The following UBR3 variants were observed in gnomAD, a reference collection of about 807,000 sequenced individuals.
The protein encoded by UBR3 is ubiquitin protein ligase E3 component n-recognin 3, also known as E3 ubiquitin-protein ligase UBR3.
A neutral mutation model predicts 243.2 loss-of-function variants in UBR3; 85 were observed. That is an observed-to-expected ratio of 0.35 (90% CI 0.29 to 0.42). The LOEUF is 0.42. Ranked by LOEUF, UBR3 falls within the 10% of genes least tolerant of loss-of-function variation. The pLI is 1.00. For missense variants in UBR3, 1,686 were observed against 2,300.8 expected, an observed-to-expected ratio of 0.73 and a Z score of 5.47; for synonymous variants, 748 against 799.8, an observed-to-expected ratio of 0.94 and a Z score of 1.09.
At chr2:170,073,713 A>G in intron 36 of UBR3, 106 bp downstream of exon 36, 3 of 1,189,144 alleles carry the variant, frequency 2.5e-6, no homozygotes, top group Non-Finnish European at 3.4e-6. Context: ...GACAGCAATT[A>G]TAAAACTTGA....
In UBR3 at chr2:169,827,744, C is replaced by T. The variant is rs2081790493; in HGVS notation, c.237C>T (p.Gly79=). 2 of 1,243,944 alleles carry T rather than the reference C, an allele frequency of 1.6e-6. No individual in the cohort carries two copies. The highest frequency in any genetic ancestry group is 1.0e-6 in the Non-Finnish European group (1 of 996,398). 77.1% of individuals were successfully genotyped at this position (1,243,944 alleles called of 1,614,324 possible). A position where few individuals can be genotyped will look rare whatever the true frequency, so the allele number is the denominator to read the frequency against. ...AGGEDAAAAG[G]GGGPGAAEEE... is the part of the protein sequence containing the mutation. Reference sequence around the variant, plus strand: ...GCGAGGACGCGGCGGCGGCCGGAGGCGGGGGCGGTCCGGGGGCGGCCGAGG... The same window carrying T: ...GCGAGGACGCGGCGGCGGCCGGAGGTGGGGGCGGTCCGGGGGCGGCCGAGG... The change falls in exon 1 of 39, where the codon GGC becomes GGT. Residue 79 remains glycine (G), a synonymous_variant. Transcript: ENST00000272793.
At chr2:170,057,118 CTTT>C (rs34846378) in intron 33 of UBR3, among the ~76,000 whole-genome samples, 10 of 135,834 alleles carry the variant, frequency 7.4e-5, no homozygotes, top group East Asian at 4.3e-4. Context: ...TTAGTTTTTT[CTTT>C]TTTTTTTTTT....
chr2:170,013,850 CAGA>C (rs2090155436), intron 29 of UBR3: 1 of 461,214 alleles, frequency 2.2e-6, no homozygotes, highest in Admixed American at 2.4e-5. Context: ...GATTAGGCAA[CAGA>C]AGATTTGTGA....
chr2:169,981,861 A>G (rs754778323), intron 24 of UBR3, among the ~76,000 whole-genome samples: 74 of 152,050 alleles, frequency 4.9e-4, no homozygotes, highest in Non-Finnish European at 8.7e-4. Context: ...CCAACTAAAA[A>G]AAGAGGAAAG....
At chr2:169,830,064 T>A (rs1281365865) in intron 1 of UBR3, among the ~76,000 whole-genome samples, 3 of 152,202 alleles carry the variant, frequency 2.0e-5, no homozygotes, top group South Asian at 2.1e-4. Context: ...TCTATTTTTT[T>A]AAAAAAACTG....
intron 11 of UBR3, among the ~76,000 whole-genome samples, chr2:169,915,425 G>A (rs13032801): frequency 0.42 from 64,348 of 151,938 alleles, 15,227 homozygotes; most frequent in Non-Finnish European, 0.54. Flanking sequence ...TAGTAGGGAC[G>A]GAGTTTCACC....
Position 169,924,009 on chromosome 2 carries a change from A to T in UBR3, c.1932+15A>T. 6.5e-7 allele frequency: 1 copy of T among 1,533,248 alleles called. No individual in the cohort carries two copies. 95.0% of individuals were successfully genotyped at this position (1,533,248 alleles called of 1,614,324 possible). A position where few individuals can be genotyped will look rare whatever the true frequency, so the allele number is the denominator to read the frequency against. On this transcript the variant is annotated intron_variant, in intron 12 of 38. Transcript: ENST00000272793. ...TTTTGAGTAAGGTAAGACTGTCATT[A>T]AACAATTCTGTTCTTTTTTTTTTAA...
intron 26 of UBR3, among the ~76,000 whole-genome samples, chr2:169,998,715 A>G (rs377765123): frequency 2.8e-4 from 43 of 152,360 alleles, no homozygotes; most frequent in African/African-American, 1.0e-3. Flanking sequence ...TTCAGATTAA[A>G]TGCATGCATT....
intron 20 of UBR3, among the ~76,000 whole-genome samples, chr2:169,945,593 G>T (rs763907431): frequency 2.0e-5 from 3 of 152,052 alleles, no homozygotes; most frequent in Non-Finnish European, 2.9e-5. Context: ...CCATCATTTG[G>T]CCAGATGACT....
At chr2:169,975,343 A>G (rs537608375) in intron 24 of UBR3, among the ~76,000 whole-genome samples, 1 of 152,186 alleles carries the variant, frequency 6.6e-6, no homozygotes, top group Non-Finnish European at 1.5e-5. Context: ...AAATTCCATT[A>G]AGTTTGTTGT....
rs981391564 is a variant in UBR3 at position 169,946,375 on chromosome 2, G to A, written c.2893G>A (p.Glu965Lys). 4.0e-6 allele frequency: 6 copies of A among 1,499,022 alleles called. No homozygotes were observed. The highest frequency in any genetic ancestry group is 2.1e-5 in the Admixed American group (1 of 46,540). 92.9% of individuals were successfully genotyped at this position (1,499,022 alleles called of 1,614,324 possible). ...ATTAGGACTTGAAAATTCTGCTGAAGAAGAATCAGATGAAGAGGTAAGTAG... is the reference window on the plus strand; with the variant it reads ...ATTAGGACTTGAAAATTCTGCTGAAAAAGAATCAGATGAAGAGGTAAGTAG... ...IELGLENSAEEESDEEASVGG... is the reference protein window; with the variant it reads ...IELGLENSAEKESDEEASVGG... Residue 965 changes from glutamate to lysine, a missense_variant, in exon 21 of 39, where the codon GAA (glutamate) becomes AAA (lysine). Coordinates refer to ENST00000272793, the MANE Select transcript of UBR3 (RefSeq NM_172070.4).
intron 26 of UBR3, among the ~76,000 whole-genome samples, chr2:169,995,809 A>G (rs542954516): frequency 9.2e-5 from 14 of 152,338 alleles, no homozygotes; most frequent in African/African-American, 2.9e-4. Context: ...AAGGCCTTCA[A>G]CATAAACTTT....
chr2:169,881,775 TATA>T (rs1232372521), intron 5 of UBR3, among the ~76,000 whole-genome samples: 27 of 139,790 alleles, frequency 1.9e-4, no homozygotes, highest in Non-Finnish European at 2.7e-4. Flanking sequence ...TTATATATAA[TATA>T]ATATATATGT....
At chr2:169,978,880 G>A (rs1174653665) in intron 24 of UBR3, among the ~76,000 whole-genome samples, 1 of 151,716 alleles carries the variant, frequency 6.6e-6, no homozygotes, top group Non-Finnish European at 1.5e-5. Flanking sequence ...TGTTTTCCTG[G>A]GATGAGGGGT....
At chr2:169,847,461 A>C (rs139357706) in intron 1 of UBR3, among the ~76,000 whole-genome samples, 1 of 152,272 alleles carries the variant, frequency 6.6e-6, no homozygotes, top group Non-Finnish European at 1.5e-5. Flanking sequence ...GAAACCTTAT[A>C]ATAGTTTGCT....
In UBR3 at chr2:169,842,665, G is replaced by A. The variant is rs139460744; in HGVS notation, c.545+14613G>A. Reference sequence around the variant, plus strand: ...TGCCTTAAGAGCTGTAACACTCACCGTGAAGGTCTGTAGCTTCACTCCTGA... The same window carrying A: ...TGCCTTAAGAGCTGTAACACTCACCATGAAGGTCTGTAGCTTCACTCCTGA... On this transcript the variant is annotated intron_variant, in intron 1 of 38. Coordinates refer to ENST00000272793, the MANE Select transcript of UBR3 (RefSeq NM_172070.4). 0.01 allele frequency among the ~76,000 whole-genome samples: 1,550 copies of A among 152,128 alleles called. 69 individuals are homozygous for A. The East Asian group carries it at 0.12, about 12-fold the overall frequency.
At chr2:169,844,000 C>G (rs762943453) in intron 1 of UBR3, among the ~76,000 whole-genome samples, 23 of 142,138 alleles carry the variant, frequency 1.6e-4, no homozygotes, top group Middle Eastern at 3.7e-3. Flanking sequence ...TTTCTTTTTT[C>G]TCTTTACTTT....
chr2:170,001,195 T>C, intron 26 of UBR3, 109 bp from the exon 27 acceptor site: 1 of 734,916 alleles, frequency 1.4e-6, no homozygotes, highest in Non-Finnish European at 2.2e-6. Flanking sequence ...AAACTCCACA[T>C]TAATATAAAA....
rs6717009 is a variant in UBR3 at position 169,899,658 on chromosome 2, C to G, written c.1465+2923C>G. ...TTTCTCCTAATGCTGTTCCTCCCCC[C>G]GCCCCTTGCCCGGCCTGGTGTGTGA... On this transcript the variant is annotated intron_variant, in intron 8 of 38. Coordinates refer to ENST00000272793, the MANE Select transcript of UBR3 (RefSeq NM_172070.4). Among the ~76,000 whole-genome samples, 18 of 152,018 alleles carry G rather than the reference C, an allele frequency of 1.2e-4. 1 individual carries two copies. The Middle Eastern group carries it at 0.01, about 86-fold the overall frequency.
Sources: gnomAD v4.1 joint callset for allele counts (sites outside exome capture counted in the v4.1 genomes callset) on GRCh38, gnomAD v4.1.1 for gene constraint, MANE v1.5 for transcripts, NCBI Gene and HGNC (gene_info 2026-07-23, HGNC 2026-07-21) for gene names.